RIMBP2: variants seen among roughly 807,000 people sequenced by gnomAD.
The protein encoded by RIMBP2 is RIMS-binding protein 2.
A neutral mutation model predicts 118.6 loss-of-function variants in RIMBP2; 48 were observed. The ratio of observed to expected loss-of-function variants is 0.40; its 90% CI spans 0.32 to 0.51. RIMBP2 has a LOEUF of 0.51. Ranked by LOEUF, RIMBP2 falls within the 20% of genes least tolerant of loss-of-function variation. The pLI is 0.41. For synonymous variants in RIMBP2, 762 were observed against 742.9 expected, an observed-to-expected ratio of 1.03 and a Z score of -0.42; for missense variants, 1,551 against 1,768.3, an observed-to-expected ratio of 0.88 and a Z score of 2.20.
chr12:130,632,868 A>G (rs2062088983), intron 1 of RIMBP2, among the ~76,000 whole-genome samples: 1 of 152,226 alleles, frequency 6.6e-6, no homozygotes, highest in Non-Finnish European at 1.5e-5. Flanking sequence ...GCAGAGAGGA[A>G]AACAAAAACA....
At chr12:130,503,766 C>CA (rs2050033858) in intron 4 of RIMBP2, among the ~76,000 whole-genome samples, 1 of 152,214 alleles carries the variant, frequency 6.6e-6, no homozygotes, top group African/African-American at 2.4e-5. Flanking sequence ...TTCTGTCCAG[C>CA]CTCCCTGGAA....
At chr12:130,466,003 T>C (rs1306745935) in intron 6 of RIMBP2, 2 of 152,196 alleles carry the variant, frequency 1.3e-5, no homozygotes, top group Non-Finnish European at 2.9e-5. Flanking sequence ...ATTCTGCTCA[T>C]GACTATCTGA....
chr12:130,676,527 G>A (rs1387201537), intron 1 of RIMBP2, among the ~76,000 whole-genome samples: 1 of 151,882 alleles, frequency 6.6e-6, no homozygotes, highest in Non-Finnish European at 1.5e-5. Flanking sequence ...GGAGGCTGAG[G>A]CAGGAGAATC....
At chr12:130,638,065 T>C (rs1474979745) in intron 1 of RIMBP2, among the ~76,000 whole-genome samples, 3 of 152,164 alleles carry the variant, frequency 2.0e-5, no homozygotes, top group South Asian at 2.1e-4. Context: ...TAGAATGAGA[T>C]AGTATTGGAT....
At position 130,420,381 on chromosome 12, in the gene RIMBP2, G is replaced by C. The variant is rs758547245; in HGVS notation, c.3238+2072C>G. 6.6e-5 allele frequency among the ~76,000 whole-genome samples: 10 copies of C among 152,170 alleles called. No individual in the cohort carries two copies. Among genetic ancestry groups the C allele is most frequent in the Non-Finnish European group, 1.0e-4 (7 of 68,030 alleles). Reference sequence around the variant, plus strand: ...GTCAGTTAACTCTTTTCTGAGTTATGTTCAGAGGCTTTTTCCTTGTTAAGG... The same window carrying C: ...GTCAGTTAACTCTTTTCTGAGTTATCTTCAGAGGCTTTTTCCTTGTTAAGG... On this transcript the variant is annotated intron_variant, in intron 17 of 22. Coordinates refer to ENST00000690449, the MANE Select transcript of RIMBP2 (RefSeq NM_001393629.1). The surrounding 1 kb of genome is among the most constrained non-coding windows in gnomAD (Gnocchi z 4.3).
intron 2 of RIMBP2, among the ~76,000 whole-genome samples, chr12:130,618,212 A>G (rs1213890295): frequency 1.3e-5 from 2 of 152,152 alleles, no homozygotes; most frequent in Non-Finnish European, 2.9e-5. Flanking sequence ...ATAATCATTC[A>G]TACTGCATAT....
chr12:130,446,659 G>C lies in RIMBP2; in HGVS notation c.582-1390C>G, dbSNP rs2078545374. 6.6e-6 allele frequency among the ~76,000 whole-genome samples: 1 copy of C among 152,202 alleles called. No individual in the cohort carries two copies. On this transcript the variant is annotated intron_variant, in intron 9 of 22. Transcript: ENST00000690449. This position sits in a 1 kb window ranked among gnomAD's most constrained non-coding sequence, Gnocchi z 4.1. ...AACGGGACAAGAGCTCTGGAAGAAG[G>C]AATAGCATGCGCCAAGGCCCAGAGG...
Position 130,523,918 on chromosome 12 carries a change from A to G in RIMBP2, c.-216-6001T>C, listed in dbSNP as rs12320236. On this transcript the variant is annotated intron_variant, in intron 2 of 22. Transcript: ENST00000690449. This position sits in a 1 kb window ranked among gnomAD's most constrained non-coding sequence, Gnocchi z 4.4. ...AAGAGGGTCCACCCAGCACAAATAC[A>G]TAACAAAGGCATGTAAGGGCACAGC... is the stretch of plus-strand genomic sequence containing the variant. Among the ~76,000 whole-genome samples, 12,316 of 152,142 alleles carry G rather than the reference A, an allele frequency of 0.081. 1,658 individuals carry two copies. Among genetic ancestry groups the G allele is most frequent in the African/African-American group, 0.28 (11,639 of 41,470 alleles).
intron 1 of RIMBP2, among the ~76,000 whole-genome samples, chr12:130,706,712 G>C (rs1449281940): frequency 6.6e-6 from 1 of 152,224 alleles, no homozygotes; most frequent in Non-Finnish European, 1.5e-5. Context: ...AAATGAGCTA[G>C]CTGGTGGGAA....
intron 2 of RIMBP2, among the ~76,000 whole-genome samples, chr12:130,612,219 C>T (rs149868213): frequency 7.8e-4 from 118 of 152,232 alleles, no homozygotes; most frequent in African/African-American, 2.6e-3. Flanking sequence ...GAGAACAGGC[C>T]GCCACCTGTT....
At chr12:130,414,067 C>T in intron 18 of RIMBP2, 58 bp downstream of exon 18, 1 of 1,566,250 alleles carries the variant, frequency 6.4e-7, no homozygotes, top group South Asian at 1.1e-5. Flanking sequence ...TCTCTGCCCC[C>T]ATGACCCAGA....
At chr12:130,476,567 G>A (rs965437460) in intron 5 of RIMBP2, among the ~76,000 whole-genome samples, 3 of 152,184 alleles carry the variant, frequency 2.0e-5, no homozygotes, top group African/African-American at 7.2e-5. Flanking sequence ...CTCTTCCCTG[G>A]ATGCGCTGGG....
Position 130,563,752 on chromosome 12 carries a change from T to G in RIMBP2, c.-216-45835A>C, listed in dbSNP as rs76958926. Among the ~76,000 whole-genome samples the G allele has an allele frequency of 1.7e-3, 253 of 152,296 alleles. 6 individuals carry two copies. In the East Asian group the frequency reaches 0.041, roughly 25 times the overall value. On this transcript the variant is annotated intron_variant, in intron 2 of 22. Coordinates refer to ENST00000690449, the MANE Select transcript of RIMBP2 (RefSeq NM_001393629.1). ...ACTAGAAGTGGGTTCACAGGTACTC[T>G]CATCTCTTCTCTGTGTTACTGTAAT...
chr12:130,546,598 T>C (rs994707895), intron 2 of RIMBP2, among the ~76,000 whole-genome samples: 1 of 152,214 alleles, frequency 6.6e-6, no homozygotes, highest in Non-Finnish European at 1.5e-5. Flanking sequence ...CCCAGTCTAC[T>C]GCTTATTTCT....
chr12:130,624,081 C>A (rs535074082), intron 2 of RIMBP2, among the ~76,000 whole-genome samples: 1 of 152,234 alleles, frequency 6.6e-6, no homozygotes, highest in East Asian at 1.9e-4. Flanking sequence ...CTCAGTATAG[C>A]TACACTGCTG....
chr12:130,664,411 G>GCACACGCACGCACA (rs1555320866), intron 1 of RIMBP2, among the ~76,000 whole-genome samples: 4 of 87,428 alleles, frequency 4.6e-5, no homozygotes, highest in Non-Finnish European at 1.1e-4. Flanking sequence ...ACGCACGCAC[G>GCACACGCACGCACA]CACACACACG....
chr12:130,528,504 G>T (rs754344464), intron 2 of RIMBP2, among the ~76,000 whole-genome samples: 9 of 152,108 alleles, frequency 5.9e-5, no homozygotes, highest in Non-Finnish European at 1.2e-4. Flanking sequence ...ATGCATGCTG[G>T]GCTTAATACC....
chr12:130,561,492 T>C (rs1415032489), intron 2 of RIMBP2, among the ~76,000 whole-genome samples: 1 of 152,136 alleles, frequency 6.6e-6, no homozygotes, highest in Non-Finnish European at 1.5e-5. Flanking sequence ...AATTTCCACC[T>C]TCTTCTTAAT....
At chr12:130,519,329 T>C (rs569507691) in intron 2 of RIMBP2, among the ~76,000 whole-genome samples, 2 of 152,354 alleles carry the variant, frequency 1.3e-5, no homozygotes, top group East Asian at 3.9e-4. Context: ...ACAGTCATAA[T>C]GAGCTCCGCT....
Sources: gnomAD v4.1 joint callset for allele counts (sites outside exome capture counted in the v4.1 genomes callset) on GRCh38, gnomAD v4.1.1 for gene constraint, Gnocchi (gnomAD v3.1) non-coding constraint, MANE v1.5 for transcripts, NCBI Gene and HGNC (gene_info 2026-07-23, HGNC 2026-07-21) for gene names.